Variants in FGFR3 observed in about 807,000 individuals in gnomAD.
FGFR3 encodes fibroblast growth factor receptor 3.
Under a neutral mutation model 82.9 loss-of-function variants are expected in FGFR3, and 25 were observed. That is an observed-to-expected ratio of 0.30 (90% confidence interval 0.22 to 0.42). The LOEUF is 0.42. Among genes scored for constraint, FGFR3 ranks in the 10% least tolerant of loss-of-function variants. The pLI is 1.00. For synonymous variants in FGFR3, 620 were observed against 516.0 expected (o/e 1.20, Z -2.73); for missense variants, 1,026 against 1,161.0 (o/e 0.88, Z 1.69).
At chr4:1,797,838 C>G (rs910061346) in intron 2 of FGFR3, among the ~76,000 whole-genome samples, 1 of 152,150 alleles carries the variant, frequency 6.6e-6, no homozygotes, top group African/African-American at 2.4e-5. Context: ...ACCCTGGGCA[C>G]TAGGCGTGTG....
Position 1,804,676 on chromosome 4 carries a change from A to ACTTTGGG in FGFR3, c.1267-147_1267-141dup, listed in dbSNP as rs1431517300. 5.7e-6 allele frequency: 8 copies of ACTTTGGG among 1,398,518 alleles called. No individual in the cohort carries two copies. In the African/African-American group the frequency reaches 1.1e-4, roughly 20 times the overall value. 86.6% of individuals were successfully genotyped at this position (1,398,518 alleles called of 1,614,324 possible). On this transcript the variant is annotated intron_variant, in intron 9 of 17. Transcript: ENST00000440486. ...CTGCTCACCATGTAGAGCCTAGGGT[A>ACTTTGGG]CTTTGGGGCACGAAACATTCTAAAA...
chr4:1,806,019 G>C (rs374578561), intron 13 of FGFR3, 32 bp from the exon 14 acceptor site: 2 of 1,612,886 alleles, frequency 1.2e-6, no homozygotes, highest in East Asian at 4.5e-5. Context: ...GAGGTGGAGA[G>C]GCTTCAGCCC....
At chr4:1,793,641 A>C in intron 1 of FGFR3, among the ~76,000 whole-genome samples, 176 bp downstream of exon 1, 1 of 134,538 alleles carries the variant, frequency 7.4e-6, no homozygotes, top group Non-Finnish European at 1.6e-5. Context: ...TGCAGCAGCC[A>C]GGGAGGGAAG....
chr4:1,794,123 G>T, intron 2 of FGFR3, 80 bp downstream of exon 2: 1 of 798,836 alleles, frequency 1.3e-6, no homozygotes, highest in Non-Finnish European at 1.7e-6. Flanking sequence ...GCCCCGGGTC[G>T]GAGGGGCCGC....
chr4:1,798,557 C>T (rs1282590520), intron 2 of FGFR3, among the ~76,000 whole-genome samples: 5 of 151,686 alleles, frequency 3.3e-5, no homozygotes, highest in South Asian at 2.1e-4. Context: ...GGCCCCCTCG[C>T]GCTGCTCCGG....
At chr4:1,802,930 G>T (rs1262200661) in intron 7 of FGFR3, 1 of 1,602,040 alleles carries the variant, frequency 6.2e-7, no homozygotes, top group African/African-American at 1.3e-5. Flanking sequence ...ATCAGTGAGA[G>T]TGTGGAGGCC....
At chr4:1,800,296 C>T (rs1335988724) in intron 4 of FGFR3, among the ~76,000 whole-genome samples, 5 of 151,432 alleles carry the variant, frequency 3.3e-5, no homozygotes, top group Admixed American at 1.3e-4. Flanking sequence ...AGAGAGCAGT[C>T]GGGGACGATG....
rs1162265869 is a variant in FGFR3 at position 1,808,813 on chromosome 4, G to A, written c.*1551G>A. ...AGGTGTCACCCAAACCGGCAGGTGC[G>A]ATTTTGTTAACCCAGCGACGAACTT... is the stretch of plus-strand genomic sequence containing the variant. On this transcript the variant is annotated 3_prime_UTR_variant, in exon 18 of 18. Coordinates refer to ENST00000440486, the MANE Select transcript of FGFR3 (RefSeq NM_000142.5). 3.0e-5 allele frequency: 7 copies of A among 230,372 alleles called. No homozygotes were observed. In the East Asian group the frequency reaches 3.7e-4, roughly 12 times the overall value. The allele number at this position is 230,372 out of a possible 1,614,324, so 14.3% of individuals were successfully genotyped here.
chr4:1,802,321 C>T (rs978230076), intron 7 of FGFR3, among the ~76,000 whole-genome samples: 1 of 152,194 alleles, frequency 6.6e-6, no homozygotes, highest in Non-Finnish European at 1.5e-5. Flanking sequence ...AGCAGTGGTG[C>T]CCCAGGACAG....
intron 1 of FGFR3, 56 bp from the exon 2 acceptor site, chr4:1,793,777 A>G (rs1190376539): frequency 6.2e-6 from 1 of 161,708 alleles, no homozygotes. Context: ...GGAGCCGGCC[A>G]CCGCCGCTTT....
At position 1,808,039 on chromosome 4, in the gene FGFR3, A is replaced by G. The variant is rs1043299691; in HGVS notation, c.*777A>G. On this transcript the variant is annotated 3_prime_UTR_variant, in exon 18 of 18. Transcript: ENST00000440486. Reference sequence around the variant, plus strand: ...AGGGAGGCCCCAGGGGGTCTCACCCATGCAAGCAGAGGACCAGGGCCTTTT... The same window carrying G: ...AGGGAGGCCCCAGGGGGTCTCACCCGTGCAAGCAGAGGACCAGGGCCTTTT... The G allele has an allele frequency of 1.3e-5, 3 of 234,860 alleles. No individual in the cohort carries two copies. The highest frequency in any genetic ancestry group is 6.0e-5 in the East Asian group (1 of 16,566). The allele number at this position is 234,860 out of a possible 1,614,324, so 14.5% of individuals were successfully genotyped here.
rs1275387099 is a variant in FGFR3, at chr4:1,793,450, C to G, written c.-118C>G. ...CGGGAGCCGCGCGTAGCGAGCCGGG[C>G]TCCGGCGCTCGCCAGGTCCGTGCTT... is the stretch of plus-strand genomic sequence containing the variant. On this transcript the variant is annotated 5_prime_UTR_variant, in exon 1 of 18. Coordinates refer to ENST00000440486, the MANE Select transcript of FGFR3 (RefSeq NM_000142.5). The G allele has an allele frequency of 6.7e-6, 1 of 149,246 alleles. No homozygotes were observed. The highest frequency in any genetic ancestry group is 1.5e-5 in the Non-Finnish European group (1 of 66,690). The allele number at this position is 149,246 out of a possible 1,614,324, so 9.2% of individuals were successfully genotyped here.
chr4:1,799,582 C>T, intron 3 of FGFR3, 59 bp downstream of exon 3: 2 of 1,549,218 alleles, frequency 1.3e-6, no homozygotes, highest in South Asian at 1.2e-5. Context: ...TCCCTGAGTC[C>T]CTGCGTGGGT....
At chr4:1,801,300 G>C in intron 4 of FGFR3, 67 bp from the exon 5 acceptor site, 1 of 1,504,850 alleles carries the variant, frequency 6.6e-7, no homozygotes, top group Non-Finnish European at 9.0e-7. Flanking sequence ...GCTCTGGGAA[G>C]GGGGTTGTTC....
chr4:1,799,540 C>A lies in FGFR3; in HGVS notation c.379+17C>A, dbSNP rs772246140. 1.3e-6 allele frequency: 2 copies of A among 1,551,022 alleles called. No individual in the cohort carries two copies. The highest frequency in any genetic ancestry group is 1.7e-6 in the Non-Finnish European group (2 of 1,148,148). ...GGGTGACAGGTGAGCTCTGGGGCCACGCCAGCTACAGAAAGGAGCCGAGTG... is the reference window on the plus strand; with the variant it reads ...GGGTGACAGGTGAGCTCTGGGGCCAAGCCAGCTACAGAAAGGAGCCGAGTG... On this transcript the variant is annotated intron_variant, in intron 3 of 17. Transcript: ENST00000440486.
chr4:1,804,682 G>C (rs1721651548), intron 9 of FGFR3, 142 bp from the exon 10 acceptor site: 2 of 1,425,324 alleles, frequency 1.4e-6, no homozygotes, highest in African/African-American at 1.4e-5. Context: ...GGGTACTTTG[G>C]GGCACGAAAC....
chr4:1,799,324 C>G lies in FGFR3; in HGVS notation c.180C>G (p.Ser60Arg). 1 of 1,612,652 alleles carries G rather than the reference C, an allele frequency of 6.2e-7. No individual in the cohort carries two copies. The highest frequency in any genetic ancestry group is 1.1e-5 in the South Asian group (1 of 91,072). ...VFGSGDAVEL[S>R]CPPPGGGPMG... ...GCAGCGGGGATGCTGTGGAGCTGAGCTGTCCCCCGCCCGGGGGTGGTCCCA... is the reference window on the plus strand; with the variant it reads ...GCAGCGGGGATGCTGTGGAGCTGAGGTGTCCCCCGCCCGGGGGTGGTCCCA... The change falls in exon 3 of 18, where the codon AGC (serine) becomes AGG (arginine). Residue 60 changes from serine to arginine, a missense_variant. This residue lies in a region of FGFR3 where 226 missense variants were observed against 222.0 expected (regional missense o/e 1.02). Coordinates refer to ENST00000440486, the MANE Select transcript of FGFR3 (RefSeq NM_000142.5).
chr4:1,807,400 CGT>C lies in FGFR3; in HGVS notation c.*156_*157del, dbSNP rs34562534. The C allele has an allele frequency of 0.81, 713,551 of 886,216 alleles. 270,795 individuals carry two copies. The highest frequency in any genetic ancestry group is 0.85 in the African/African-American group (51,058 of 60,282). 54.9% of individuals were successfully genotyped at this position (886,216 alleles called of 1,614,324 possible). ...GCTTTGGTCTGTGTGTGTGTGTGTG[CGT>C]GTGTGTGTGTGTGTGTGCACATCCG... On this transcript the variant is annotated 3_prime_UTR_variant, in exon 18 of 18. Coordinates refer to ENST00000440486, the MANE Select transcript of FGFR3 (RefSeq NM_000142.5).
rs373425119 is a variant in FGFR3 at position 1,806,920 on chromosome 4, G to A, written c.2260G>A (p.Val754Met). The part of the protein sequence containing the change: ...LVEDLDRVLT[V>M]TSTDEYLDLS... ...GGAGGACCTGGACCGTGTCCTTACC[G>A]TGACGTCCACCGACGTGAGTGCTGG... The change falls in exon 17 of 18, where the codon GTG becomes ATG. Residue 754 changes from valine to methionine, a missense_variant. By Grantham distance (21) the Val-to-Met change is conservative (BLOSUM62 1). Coordinates refer to ENST00000440486, the MANE Select transcript of FGFR3 (RefSeq NM_000142.5). The A allele has an allele frequency of 7.5e-6, 12 of 1,608,972 alleles. No homozygotes were observed. Among genetic ancestry groups the A allele is most frequent in the Middle Eastern group, 1.6e-4 (1 of 6,080 alleles).
Sources: gnomAD v4.1 joint callset for allele counts (sites outside exome capture counted in the v4.1 genomes callset) on GRCh38, gnomAD v4.1.1 for gene constraint, gnomAD v4.1.1 regional missense constraint, MANE v1.5 for transcripts, NCBI Gene and HGNC (gene_info 2026-07-23, HGNC 2026-07-21) for gene names.